SYNGR1: variants seen among roughly 807,000 people sequenced by gnomAD.
SYNGR1 encodes synaptogyrin 1.
Under a neutral mutation model 26.1 loss-of-function variants are expected in SYNGR1, and 14 were observed. That is an observed-to-expected ratio of 0.54 (90% CI 0.35 to 0.84). The LOEUF (loss-of-function observed/expected upper bound fraction) is 0.84. Ranked by LOEUF, SYNGR1 falls within the 40% of genes least tolerant of loss-of-function variation. The probability of loss-of-function intolerance (pLI) is 0.01; values close to 1 mark genes in which losing one functional copy is unlikely to be tolerated. For missense variants in SYNGR1, 319 were observed against 332.9 expected, an observed-to-expected ratio of 0.96 and a Z score of 0.33; for synonymous variants, 141 against 150.1, an observed-to-expected ratio of 0.94 and a Z score of 0.44.
At chr22:39,368,761 G>A (rs1401467578) in intron 1 of SYNGR1, among the ~76,000 whole-genome samples, 2 of 152,208 alleles carry the variant, frequency 1.3e-5, no homozygotes, top group East Asian at 1.9e-4. Flanking sequence ...TTTGGAAGGA[G>A]ATCCACACTT....
At chr22:39,358,519 T>C (rs1392182874) in intron 1 of SYNGR1, among the ~76,000 whole-genome samples, 2 of 152,218 alleles carry the variant, frequency 1.3e-5, no homozygotes, top group East Asian at 3.8e-4. Context: ...GCTTCATTCC[T>C]GAAGCCAGCG....
At chr22:39,375,598 C>T in intron 2 of SYNGR1, 1 of 406,230 alleles carries the variant, frequency 2.5e-6, no homozygotes, top group Non-Finnish European at 4.4e-6. Flanking sequence ...TCCCATACCT[C>T]ATTTGTCTGG....
intron 2 of SYNGR1, chr22:39,375,676 C>T (rs1177697436): frequency 1.0e-5 from 6 of 574,106 alleles, no homozygotes; most frequent in South Asian, 2.2e-5. Flanking sequence ...GGGGGGCCCA[C>T]GTCAGCGGTG....
intron 1 of SYNGR1, among the ~76,000 whole-genome samples, chr22:39,360,876 C>G (rs949910486): frequency 6.6e-6 from 1 of 152,206 alleles, no homozygotes; most frequent in East Asian, 1.9e-4. Flanking sequence ...ACGAGGCTGT[C>G]GCCCCTGCTG....
At chr22:39,355,321 C>G (rs978662019) in intron 1 of SYNGR1, among the ~76,000 whole-genome samples, 3 of 152,244 alleles carry the variant, frequency 2.0e-5, no homozygotes, top group Non-Finnish European at 4.4e-5. Context: ...GTGGTCACGT[C>G]CAGCCTGTCC....
intron 1 of SYNGR1, among the ~76,000 whole-genome samples, chr22:39,373,999 C>T (rs1382429505): frequency 6.6e-6 from 1 of 152,124 alleles, no homozygotes; most frequent in African/African-American, 2.4e-5. Flanking sequence ...TCGGTCCAGT[C>T]CCAGGATATC....
chr22:39,362,178 C>A (rs1433021318), intron 1 of SYNGR1, among the ~76,000 whole-genome samples: 2 of 152,174 alleles, frequency 1.3e-5, no homozygotes, highest in Non-Finnish European at 2.9e-5. Flanking sequence ...GGCTCCAAGG[C>A]CCCCTTGAGG....
chr22:39,354,926 T>C (rs1176521075), intron 1 of SYNGR1, among the ~76,000 whole-genome samples: 2 of 151,816 alleles, frequency 1.3e-5, no homozygotes, highest in Admixed American at 1.3e-4. Context: ...CAACTTGCCA[T>C]GTGCCAGCCA....
intron 1 of SYNGR1, among the ~76,000 whole-genome samples, chr22:39,354,843 T>A (rs112521139): frequency 1.6e-3 from 224 of 141,088 alleles, no homozygotes; most frequent in Middle Eastern, 3.6e-3. Context: ...CTGTCTCAAA[T>A]AAAAAAAAAA....
chr22:39,380,219 C>A (rs1411473375), intron 3 of SYNGR1, among the ~76,000 whole-genome samples: 1 of 150,034 alleles, frequency 6.7e-6, no homozygotes, highest in Admixed American at 6.7e-5. Flanking sequence ...ATTGAATAGT[C>A]AGGGCTCTGC....
intron 1 of SYNGR1, among the ~76,000 whole-genome samples, chr22:39,364,562 G>A (rs1407766284): frequency 6.6e-6 from 1 of 152,206 alleles, no homozygotes; most frequent in Non-Finnish European, 1.5e-5. Context: ...GGGAAAGAGT[G>A]ACTGGGAAGT....
rs113745757 is a variant in SYNGR1, at chr22:39,360,891, G to A, written c.99+10782G>A. Reference sequence around the variant, plus strand: ...ACGAGGCTGTCGCCCCTGCTGGGGTGTACGCTTGGAGGGCGAGAACTGCAT... The same window carrying A: ...ACGAGGCTGTCGCCCCTGCTGGGGTATACGCTTGGAGGGCGAGAACTGCAT... On this transcript the variant is annotated intron_variant, in intron 1 of 3. Transcript: ENST00000328933. 2.2e-3 allele frequency among the ~76,000 whole-genome samples: 334 copies of A among 152,344 alleles called. 2 individuals are homozygous for A. Among genetic ancestry groups the A allele is most frequent in the African/African-American group, 7.8e-3 (323 of 41,572 alleles).
chr22:39,368,918 C>T (rs945463229), intron 1 of SYNGR1, among the ~76,000 whole-genome samples: 1 of 152,244 alleles, frequency 6.6e-6, no homozygotes, highest in Non-Finnish European at 1.5e-5. Context: ...CCCTATGGGG[C>T]TTCCAAAGCT....
chr22:39,364,110 C>T, intron 1 of SYNGR1: 2 of 1,596,082 alleles, frequency 1.3e-6, no homozygotes. Context: ...AGGGGAGATA[C>T]CATCTCCCCT....
chr22:39,364,083 G>C, intron 1 of SYNGR1: 1 of 1,573,508 alleles, frequency 6.4e-7, no homozygotes, highest in Middle Eastern at 2.3e-4. Context: ...GGCACACCCT[G>C]GGTGGTCTGT....
intron 1 of SYNGR1, chr22:39,364,061 C>A: frequency 6.8e-7 from 1 of 1,465,812 alleles, no homozygotes; most frequent in Non-Finnish European, 9.3e-7. Flanking sequence ...CGACGCCCTG[C>A]AGTGGGTCCT....
Position 39,374,507 on chromosome 22 carries a change from C to T in SYNGR1, c.291C>T (p.Ser97=), listed in dbSNP as rs56363153. The change falls in exon 2 of 4, where the codon AGC becomes AGT. Residue 97 remains serine, a synonymous_variant. Transcript: ENST00000328933. ...ACGTGTACTTCCCGCAGATCAGCAG[C>T]GTCAAGGACCGCAAGAAAGCCGTCC... ...ALDVYFPQIS[S]VKDRKKAVLS... The T allele has an allele frequency of 4.0e-3, 6,522 of 1,613,674 alleles. 285 individuals are homozygous for T. In the South Asian group the frequency reaches 0.067, roughly 17 times the overall value.
chr22:39,353,677 G>A (rs988320745), intron 1 of SYNGR1, among the ~76,000 whole-genome samples: 4 of 152,222 alleles, frequency 2.6e-5, no homozygotes, highest in Admixed American at 6.5e-5. Context: ...GTTGCGCGGT[G>A]ACTGCCGCCT....
intron 1 of SYNGR1, among the ~76,000 whole-genome samples, chr22:39,365,761 C>T (rs527322271): frequency 1.3e-5 from 2 of 152,104 alleles, no homozygotes; most frequent in Non-Finnish European, 2.9e-5. Flanking sequence ...GTGGCATTTG[C>T]AGGCGACGGC....
Sources: allele counts gnomAD v4.1 joint callset (sites outside exome capture counted in the v4.1 genomes callset), GRCh38; gene constraint gnomAD v4.1.1; transcripts MANE v1.5; gene names NCBI Gene and HGNC (gene_info 2026-07-23, HGNC 2026-07-21).